Variants in DCAF6 observed in about 807,000 individuals in gnomAD.
DCAF6 encodes the protein DDB1- and CUL4-associated factor 6.
In DCAF6, 54 loss-of-function variants were observed where a neutral mutation model predicts 125.1. That is an observed-to-expected ratio of 0.43 (90% CI 0.35 to 0.54). The LOEUF (loss-of-function observed/expected upper bound fraction) is 0.54, where lower values mean the gene tolerates loss of function less well. DCAF6 is among the 20% of genes least tolerant of loss of function. The probability of loss-of-function intolerance (pLI) is 0.01; values close to 1 mark genes in which losing one functional copy is unlikely to be tolerated. For synonymous variants in DCAF6, 371 were observed against 390.4 expected (o/e 0.95, Z 0.58); for missense variants, 934 against 1,161.7 (o/e 0.80, Z 2.85).
At chr1:168,060,983 C>G (rs1001407390) in intron 17 of DCAF6, among the ~76,000 whole-genome samples, 2 of 152,238 alleles carry the variant, frequency 1.3e-5, no homozygotes, top group African/African-American at 4.8e-5. Context: ...CTACCTATAA[C>G]TCTACTTTCT....
At chr1:168,061,843 G>A (rs1375543071) in intron 17 of DCAF6, among the ~76,000 whole-genome samples, 2 of 152,100 alleles carry the variant, frequency 1.3e-5, no homozygotes, top group Non-Finnish European at 2.9e-5. Context: ...TAGATCTTCA[G>A]TTTGAGAGTA....
intron 16 of DCAF6, among the ~76,000 whole-genome samples, chr1:168,045,917 G>GT (rs748312142): frequency 9.2e-5 from 14 of 151,948 alleles, no homozygotes; most frequent in Non-Finnish European, 1.6e-4. Context: ...ATATCTTATT[G>GT]TAAGTTCTGT....
chr1:168,008,994 CCTTT>C (rs916300961), intron 10 of DCAF6, among the ~76,000 whole-genome samples: 8 of 147,846 alleles, frequency 5.4e-5, no homozygotes, highest in African/African-American at 1.2e-4. Flanking sequence ...CTCCTTCCTT[CCTTT>C]CTTTCTTTTT....
In DCAF6 at chr1:168,002,595, C is replaced by A. The variant is rs1411163957; in HGVS notation, c.997+20C>A. 10 of 1,588,870 alleles carry A rather than the reference C, an allele frequency of 6.3e-6. No homozygotes were observed. The highest frequency in any genetic ancestry group is 2.7e-5 in the African/African-American group (2 of 74,260). Reference sequence around the variant, plus strand: ...GAGATGGTAACTATACTTTGGTCAGCTTTTCTTTGTATATGGTATTTTAAA... The same window carrying A: ...GAGATGGTAACTATACTTTGGTCAGATTTTCTTTGTATATGGTATTTTAAA... On this transcript the variant is annotated intron_variant, in intron 8 of 21. Transcript: ENST00000367840.
chr1:168,056,298 C>T (rs182162223), intron 17 of DCAF6: 43 of 1,608,520 alleles, frequency 2.7e-5, no homozygotes, highest in South Asian at 7.7e-5. Flanking sequence ...GGGTCCAGTG[C>T]GTAGCGTACG....
At chr1:167,965,057 C>G (rs780935671) in intron 2 of DCAF6, among the ~76,000 whole-genome samples, 21 of 152,162 alleles carry the variant, frequency 1.4e-4, no homozygotes, top group Non-Finnish European at 2.9e-4. Flanking sequence ...GGCTTTATCC[C>G]TTCAAATTGT....
the DCAF6 span, among the ~76,000 whole-genome samples, chr1:167,888,737 G>A: frequency 4.6e-5 from 7 of 151,780 alleles, no homozygotes; most frequent in African/African-American, 1.5e-4. Flanking sequence ...TTAGCGGGGC[G>A]TGGTGGCGGG....
rs1571535304 is a variant in DCAF6 at position 167,936,831 on chromosome 1, G to T, written c.-81G>T. On this transcript the variant is annotated 5_prime_UTR_variant, in exon 1 of 22. Coordinates refer to ENST00000367840, the MANE Select transcript of DCAF6 (RefSeq NM_001198956.2). ...CGCGCGGATGGTGCCGGTGCGGCTC[G>T]GGTGTTGAAACGGGTGTCCCCTCCC... 3 of 1,262,496 alleles carry T rather than the reference G, an allele frequency of 2.4e-6. No individual in the cohort carries two copies. Among genetic ancestry groups the T allele is most frequent in the Admixed American group, 4.1e-5 (2 of 49,268 alleles). The allele number at this position is 1,262,496 out of a possible 1,614,324, so 78.2% of individuals were successfully genotyped here. A position where few individuals can be genotyped will look rare whatever the true frequency, so the allele number is the denominator to read the frequency against.
Position 168,038,241 on chromosome 1 carries a change from G to A in DCAF6, c.1610-130G>A, listed in dbSNP as rs1375464212. ...CAACACATGCCTTCAAACTTTAAAT[G>A]AAACCCATAACAGATGTGAAAAAAG... On this transcript the variant is annotated intron_variant, in intron 12 of 21. Coordinates refer to ENST00000367840, the MANE Select transcript of DCAF6 (RefSeq NM_001198956.2). The A allele has an allele frequency of 2.7e-5, 18 of 655,988 alleles. No homozygotes were observed. In the Admixed American group the frequency reaches 5.8e-4, roughly 21 times the overall value. The allele number at this position is 655,988 out of a possible 1,614,324, so 40.6% of individuals were successfully genotyped here.
chr1:168,005,820 A>G lies in DCAF6; in HGVS notation c.1378+1027A>G, dbSNP rs569376148. On this transcript the variant is annotated intron_variant, in intron 10 of 21. Transcript: ENST00000367840. ...TTCTATGGGAATAAAAGCCAGAGTC[A>G]GTTACATAACTGTTAACACTGTATA... Among the ~76,000 whole-genome samples, 12 of 152,314 alleles carry G rather than the reference A, an allele frequency of 7.9e-5. No individual in the cohort carries two copies. The East Asian group carries it at 2.3e-3, about 29-fold the overall frequency.
chr1:168,005,498 C>T (rs528759828), intron 10 of DCAF6, among the ~76,000 whole-genome samples: 18 of 152,058 alleles, frequency 1.2e-4, no homozygotes, highest in East Asian at 9.6e-4. Context: ...ACAGTTTACT[C>T]GGTACTTTAA....
At chr1:168,051,961 A>G (rs1306283617) in intron 17 of DCAF6, among the ~76,000 whole-genome samples, 1 of 151,446 alleles carries the variant, frequency 6.6e-6, no homozygotes, top group African/African-American at 2.4e-5. Context: ...GCCCACTACA[A>G]CCTCTGCCTC....
chr1:168,075,271 C>T, intron 21 of DCAF6, 100 bp from the exon 22 acceptor site: 1 of 1,112,504 alleles, frequency 9.0e-7, no homozygotes, highest in Non-Finnish European at 1.3e-6. Flanking sequence ...TAGTGGTGAA[C>T]TGATTTTTAA....
the DCAF6 span, among the ~76,000 whole-genome samples, chr1:167,925,905 A>T: frequency 6.6e-6 from 1 of 152,172 alleles, no homozygotes; most frequent in African/African-American, 2.4e-5. Context: ...CTGATACTTA[A>T]ATATTGATAA....
chr1:167,966,395 A>G (rs985075560), intron 2 of DCAF6, among the ~76,000 whole-genome samples: 3 of 152,058 alleles, frequency 2.0e-5, no homozygotes, highest in Non-Finnish European at 4.4e-5. Flanking sequence ...TTTGCTATTT[A>G]TTTTTAGCTC....
chr1:168,035,035 C>T (rs900594831), intron 12 of DCAF6, among the ~76,000 whole-genome samples: 2 of 151,992 alleles, frequency 1.3e-5, no homozygotes, highest in Non-Finnish European at 2.9e-5. Context: ...ATCCTAATTC[C>T]TGAGAAAATG....
chr1:167,925,458 T>TATAC, the DCAF6 span, among the ~76,000 whole-genome samples: 3 of 113,722 alleles, frequency 2.6e-5, no homozygotes, highest in South Asian at 5.2e-4. Flanking sequence ...TATATATATA[T>TATAC]ATATATATAT....
intron 2 of DCAF6, 105 bp from the exon 3 acceptor site, chr1:167,966,524 A>T: frequency 1.3e-6 from 1 of 749,592 alleles, no homozygotes; most frequent in Non-Finnish European, 2.4e-6. Flanking sequence ...TTTTTAACGT[A>T]TAACCTCATT....
At chr1:168,062,940 C>G (rs1691791316) in intron 17 of DCAF6, among the ~76,000 whole-genome samples, 1 of 142,128 alleles carries the variant, frequency 7.0e-6, no homozygotes, top group Non-Finnish European at 1.5e-5. Context: ...GAGACAGAGT[C>G]TCGCTCTGTC....
Sources: gnomAD v4.1 joint callset for allele counts (sites outside exome capture counted in the v4.1 genomes callset) on GRCh38, gnomAD v4.1.1 for gene constraint, MANE v1.5 for transcripts, NCBI Gene and HGNC (gene_info 2026-07-23, HGNC 2026-07-21) for gene names.